LNP1: variants seen among roughly 807,000 people sequenced by gnomAD.
LNP1 encodes leukemia NUP98 fusion partner 1.
A neutral mutation model predicts 14.5 loss-of-function variants in LNP1; 12 were observed. That is an observed-to-expected ratio of 0.83 (90% CI 0.53 to 1.34). The LOEUF (loss-of-function observed/expected upper bound fraction) is 1.34, where lower values mean the gene tolerates loss of function less well. LNP1 is among the 40% of genes most tolerant of loss of function. The pLI is 0.00. For missense variants in LNP1, 198 were observed against 210.9 expected, an observed-to-expected ratio of 0.94 and a Z score of 0.38; for synonymous variants, 75 against 71.4, an observed-to-expected ratio of 1.05 and a Z score of -0.26.
intron 1 of LNP1, among the ~76,000 whole-genome samples, chr3:100,405,447 T>C (rs1007421503): frequency 2.0e-5 from 3 of 152,198 alleles, no homozygotes; most frequent in Non-Finnish European, 4.4e-5. Context: ...ACTTAGCTAA[T>C]AAACTATAGA....
At chr3:100,416,599 T>TTGTG (rs769199967) in intron 1 of LNP1, among the ~76,000 whole-genome samples, 1,084 of 94,588 alleles carry the variant, frequency 0.011, 7 homozygotes, top group Admixed American at 0.016. Flanking sequence ...TATATCTTTT[T>TTGTG]TGTGTGTGTG....
At chr3:100,417,267 T>G (rs1437338183) in intron 1 of LNP1, among the ~76,000 whole-genome samples, 1 of 152,116 alleles carries the variant, frequency 6.6e-6, no homozygotes, top group Non-Finnish European at 1.5e-5. Flanking sequence ...TCTTTCTCTT[T>G]TAAAATATAG....
chr3:100,440,418 A>AAC (rs936255005), intron 2 of LNP1, among the ~76,000 whole-genome samples: 1 of 152,148 alleles, frequency 6.6e-6, no homozygotes, highest in East Asian at 1.9e-4. Flanking sequence ...TAAGCTTCTT[A>AAC]ACACATATTT....
chr3:100,421,097 GC>G (rs765342820), intron 1 of LNP1, among the ~76,000 whole-genome samples: 1 of 152,080 alleles, frequency 6.6e-6, no homozygotes, highest in African/African-American at 2.4e-5. Context: ...TCTTGTCTTG[GC>G]CTCCCAGAGT....
At chr3:100,451,187 A>C (rs1576237920) in intron 2 of LNP1, among the ~76,000 whole-genome samples, 1 of 152,340 alleles carries the variant, frequency 6.6e-6, no homozygotes, top group East Asian at 1.9e-4. Flanking sequence ...CTGAGAATTC[A>C]TGCCCCTGAC....
intron 2 of LNP1, 41 bp downstream of exon 2, chr3:100,429,926 G>A (rs764732221): frequency 6.3e-7 from 1 of 1,577,362 alleles, no homozygotes; most frequent in South Asian, 1.2e-5. Context: ...AGCTGGAATA[G>A]GGGAGGGGGT....
intron 2 of LNP1, among the ~76,000 whole-genome samples, chr3:100,447,384 G>A (rs1428303726): frequency 2.0e-5 from 3 of 152,066 alleles, no homozygotes; most frequent in Non-Finnish European, 4.4e-5. Context: ...TCACTCATAG[G>A]TGGGAATTGA....
At chr3:100,454,159 A>G (rs1707487335) in intron 3 of LNP1, among the ~76,000 whole-genome samples, 1 of 152,202 alleles carries the variant, frequency 6.6e-6, no homozygotes, top group Non-Finnish European at 1.5e-5. Flanking sequence ...TACTTAGGGA[A>G]GCATTTTCTA....
intron 2 of LNP1, among the ~76,000 whole-genome samples, chr3:100,442,267 A>G (rs911746525): frequency 5.9e-5 from 9 of 152,152 alleles, no homozygotes; most frequent in Non-Finnish European, 7.3e-5. Context: ...TCACTGTAGG[A>G]GAAAAGTCTT....
intron 2 of LNP1, among the ~76,000 whole-genome samples, chr3:100,439,285 A>G (rs1217693498): frequency 6.6e-6 from 1 of 152,160 alleles, no homozygotes; most frequent in Admixed American, 6.5e-5. Flanking sequence ...ACTAAAAAAA[A>G]AAAGGAAAAG....
chr3:100,449,475 G>A (rs532863915), intron 2 of LNP1, among the ~76,000 whole-genome samples: 28 of 152,212 alleles, frequency 1.8e-4, no homozygotes, highest in Admixed American at 3.3e-4. Context: ...CTCCGTTTTC[G>A]TTAAAGAACC....
chr3:100,445,735 A>G (rs984226981), intron 2 of LNP1, among the ~76,000 whole-genome samples: 2 of 152,202 alleles, frequency 1.3e-5, no homozygotes. Flanking sequence ...TAAGCTGATA[A>G]GCAACTTCAG....
intron 2 of LNP1, among the ~76,000 whole-genome samples, chr3:100,437,649 C>G (rs1241152609): frequency 6.6e-6 from 1 of 152,054 alleles, no homozygotes; most frequent in African/African-American, 2.4e-5. Flanking sequence ...ATTTGTAGTC[C>G]TCTTGGCTCT....
intron 2 of LNP1, among the ~76,000 whole-genome samples, chr3:100,450,535 C>T (rs1294373917): frequency 6.6e-6 from 1 of 152,054 alleles, no homozygotes; most frequent in Non-Finnish European, 1.5e-5. Context: ...CAAGGTTTCA[C>T]CATGTTGGCC....
chr3:100,423,639 C>T (rs1707165791), intron 1 of LNP1, among the ~76,000 whole-genome samples: 1 of 152,196 alleles, frequency 6.6e-6, no homozygotes, highest in African/African-American at 2.4e-5. Context: ...TGAGAATACA[C>T]ACACTGCAAG....
intron 3 of LNP1, among the ~76,000 whole-genome samples, chr3:100,453,239 A>G (rs1707476688): frequency 6.6e-6 from 1 of 151,954 alleles, no homozygotes; most frequent in Non-Finnish European, 1.5e-5. Flanking sequence ...TGCTTTCTCC[A>G]CCTGATCATA....
chr3:100,404,095 C>T (rs1706940829), intron 1 of LNP1, among the ~76,000 whole-genome samples: 1 of 152,190 alleles, frequency 6.6e-6, no homozygotes, highest in African/African-American at 2.4e-5. Context: ...ACATCTGTTA[C>T]TTATTTGGCA....
At chr3:100,409,540 C>CTA (rs1472273250) in intron 1 of LNP1, among the ~76,000 whole-genome samples, 68 of 145,920 alleles carry the variant, frequency 4.7e-4, no homozygotes, top group Non-Finnish European at 5.1e-4. Context: ...CTCTCTCTCT[C>CTA]TCTATATATA....
At chr3:100,411,690 C>T (rs988829810) in intron 1 of LNP1, among the ~76,000 whole-genome samples, 1 of 152,184 alleles carries the variant, frequency 6.6e-6, no homozygotes, top group African/African-American at 2.4e-5. Context: ...CTGTTTCTCA[C>T]ATGACCTCTT....
Sources: gnomAD v4.1 joint callset for allele counts (sites outside exome capture counted in the v4.1 genomes callset) on GRCh38, gnomAD v4.1.1 for gene constraint, MANE v1.5 for transcripts, NCBI Gene and HGNC (gene_info 2026-07-23, HGNC 2026-07-21) for gene names.